Variants in PCDH7 observed in about 807,000 individuals in gnomAD.
PCDH7 encodes protocadherin 7, also known as protocadherin-7.
A neutral mutation model predicts 58.9 loss-of-function variants in PCDH7; 17 were observed. That is an observed-to-expected ratio of 0.29 (90% CI 0.20 to 0.43). The LOEUF (loss-of-function observed/expected upper bound fraction) is 0.43, where lower values mean the gene tolerates loss of function less well. Ranked by LOEUF, PCDH7 falls within the 20% of genes least tolerant of loss-of-function variation. The pLI is 1.00. For synonymous variants in PCDH7, 664 were observed against 616.4 expected (o/e 1.08, Z -1.14); for missense variants, 1,274 against 1,441.0 (o/e 0.88, Z 1.88).
At chr4:30,817,373 T>G (rs1243351301) in intron 1 of PCDH7, among the ~76,000 whole-genome samples, 2 of 152,228 alleles carry the variant, frequency 1.3e-5, no homozygotes, top group African/African-American at 4.8e-5. Flanking sequence ...TATTTTAGTA[T>G]TTTGAAATTT....
chr4:30,769,986 A>G (rs766093300), intron 1 of PCDH7, among the ~76,000 whole-genome samples: 3 of 152,182 alleles, frequency 2.0e-5, no homozygotes, highest in Non-Finnish European at 4.4e-5. Context: ...TTATGCAGCT[A>G]AAATTTAGCC....
Position 30,721,483 on chromosome 4 carries a change from C to G in PCDH7, c.61C>G (p.Leu21Val), listed in dbSNP as rs1445571381. 6.3e-7 allele frequency: 1 copy of G among 1,590,330 alleles called. No homozygotes were observed. Among genetic ancestry groups the G allele is most frequent in the Non-Finnish European group, 8.5e-7 (1 of 1,173,714 alleles). The change falls in exon 1 of 2, where the codon CTG becomes GTG. Residue 21 changes from leucine to valine, a missense_variant. Around this residue, in one of 3 missense-constraint regions of PCDH7, gnomAD observed 212 missense variants for 255.8 expected, o/e 0.83. Coordinates refer to ENST00000361762, the Ensembl canonical transcript of PCDH7. The surrounding 1 kb of genome is among the most constrained non-coding windows in gnomAD (Gnocchi z 6.7). ...CTGGTGCTTGGGCTGCTGCCTCCTC[C>G]TGCCGCTCTCGCTCAGCCTGGCGGC...
At chr4:30,775,239 T>C (rs143294603) in intron 1 of PCDH7, among the ~76,000 whole-genome samples, 1 of 152,304 alleles carries the variant, frequency 6.6e-6, no homozygotes, top group Non-Finnish European at 1.5e-5. Flanking sequence ...ACTAGCTTTT[T>C]AAAGTAATGG....
intron 3 of PCDH7, among the ~76,000 whole-genome samples, chr4:31,071,788 C>A (rs1358539708): frequency 6.6e-6 from 1 of 151,990 alleles, no homozygotes; most frequent in African/African-American, 2.4e-5. Flanking sequence ...TCAAAAAAGA[C>A]TCAGGAATAC....
At chr4:30,823,020 C>T (rs1054231084) in intron 1 of PCDH7, among the ~76,000 whole-genome samples, 4 of 152,100 alleles carry the variant, frequency 2.6e-5, no homozygotes, top group African/African-American at 9.7e-5. Flanking sequence ...AGGCAGTTGA[C>T]AATACAGGCA....
At chr4:30,803,847 G>A (rs1029538047) in intron 1 of PCDH7, among the ~76,000 whole-genome samples, 1 of 152,172 alleles carries the variant, frequency 6.6e-6, no homozygotes, top group African/African-American at 2.4e-5. Context: ...TAAAGCAGTG[G>A]AACAATGTCC....
chr4:30,872,113 A>G (rs1010564320), intron 1 of PCDH7, among the ~76,000 whole-genome samples: 6 of 152,104 alleles, frequency 3.9e-5, no homozygotes, highest in Admixed American at 3.9e-4. Context: ...GAAGGAAACA[A>G]TTTAGCCCAT....
At position 31,068,284 on chromosome 4, in the gene PCDH7, G is replaced by A. The variant is rs183910778; in HGVS notation, c.*8-74189G>A. Among the ~76,000 whole-genome samples, 47 of 149,346 alleles carry A rather than the reference G, an allele frequency of 3.1e-4. 1 individual carries two copies. The East Asian group carries it at 7.9e-3, about 25-fold the overall frequency. ...CTCTGTATCTTCCTCTCAATTTTGC[G>A]GTGAACCTAAAACTGCTCTAAAAAA... On this transcript the variant is annotated intron_variant, in intron 3 of 3. Transcript: ENST00000509759.
chr4:31,067,886 G>A (rs758681702), intron 3 of PCDH7, among the ~76,000 whole-genome samples: 16 of 151,894 alleles, frequency 1.1e-4, no homozygotes, highest in South Asian at 6.2e-4. Flanking sequence ...TGAGAGCGGC[G>A]CAATACCTTA....
intron 3 of PCDH7, among the ~76,000 whole-genome samples, chr4:31,053,176 G>T (rs767737621): frequency 6.6e-6 from 1 of 151,730 alleles, no homozygotes; most frequent in East Asian, 1.9e-4. Flanking sequence ...CCTCTACCTC[G>T]CCTCACTTCC....
intron 3 of PCDH7, among the ~76,000 whole-genome samples, chr4:31,084,604 C>A (rs1404809709): frequency 7.0e-6 from 1 of 143,542 alleles, no homozygotes; most frequent in African/African-American, 2.6e-5. Context: ...AACTATAGTT[C>A]ATGGTGGCAG....
intron 1 of PCDH7, among the ~76,000 whole-genome samples, chr4:30,853,485 T>C (rs1305664180): frequency 4.6e-5 from 7 of 152,116 alleles, no homozygotes; most frequent in Admixed American, 4.6e-4. Flanking sequence ...GGGTTATAAG[T>C]TGAGCCAGAA....
intron 3 of PCDH7, among the ~76,000 whole-genome samples, chr4:31,127,946 C>T (rs1578870292): frequency 6.6e-6 from 1 of 151,550 alleles, no homozygotes; most frequent in East Asian, 1.9e-4. Flanking sequence ...CAGTGTGACT[C>T]AAAATAAGAA....
rs562341452 is a variant in PCDH7, at chr4:30,964,054, T to C, written c.*7+13839T>C. Among the ~76,000 whole-genome samples the C allele has an allele frequency of 2.6e-5, 4 of 152,304 alleles. No homozygotes were observed. In the East Asian group the frequency reaches 7.7e-4, roughly 29 times the overall value. ...TTTGGCTTTGTAAAAAATATTGCAT[T>C]GTCTATTGGCATTGAACTGTCTTTA... is the stretch of plus-strand genomic sequence containing the variant. On this transcript the variant is annotated intron_variant, in intron 3 of 3. Transcript: ENST00000509759.
intron 1 of PCDH7, among the ~76,000 whole-genome samples, chr4:30,729,747 C>G (rs1311745337): frequency 6.6e-6 from 1 of 151,944 alleles, no homozygotes; most frequent in Non-Finnish European, 1.5e-5. Flanking sequence ...ATCAACTTTG[C>G]ACATACATTT....
At chr4:30,782,730 G>T (rs947389089) in intron 1 of PCDH7, among the ~76,000 whole-genome samples, 1 of 152,202 alleles carries the variant, frequency 6.6e-6, no homozygotes, top group African/African-American at 2.4e-5. Context: ...AAGTATGATT[G>T]GACAAAAGAG....
chr4:30,843,257 AGTGGTGCAATCTGG>A (rs1300293297), intron 1 of PCDH7, among the ~76,000 whole-genome samples: 1 of 151,996 alleles, frequency 6.6e-6, no homozygotes, highest in Non-Finnish European at 1.5e-5. Flanking sequence ...GGTGGAGTGC[AGTGGTGCAATCTGG>A]GCTCATTGTA....
At chr4:31,088,848 G>A (rs1560213833) in intron 3 of PCDH7, among the ~76,000 whole-genome samples, 1 of 152,028 alleles carries the variant, frequency 6.6e-6, no homozygotes, top group African/African-American at 2.4e-5. Context: ...GTAGTAGAGT[G>A]TAATAAAAGC....
At chr4:30,873,180 G>A (rs1385812831) in intron 1 of PCDH7, among the ~76,000 whole-genome samples, 1 of 151,932 alleles carries the variant, frequency 6.6e-6, no homozygotes. Flanking sequence ...GAGAACAATG[G>A]CATAAAACTG....
Sources: allele counts gnomAD v4.1 joint callset (sites outside exome capture counted in the v4.1 genomes callset), GRCh38; gene constraint gnomAD v4.1.1; regional missense constraint gnomAD v4.1.1; non-coding constraint Gnocchi (gnomAD v3.1); transcripts MANE v1.5; gene names NCBI Gene and HGNC (gene_info 2026-07-23, HGNC 2026-07-21).